KATNIP: variants seen among roughly 807,000 people sequenced by gnomAD.
KATNIP encodes the protein katanin-interacting protein.
Under a neutral mutation model 174.0 loss-of-function variants are expected in KATNIP, and 126 were observed. That is an observed-to-expected ratio of 0.72 (90% CI 0.63 to 0.84). The LOEUF is 0.84. KATNIP is among the 40% of genes least tolerant of loss of function. The pLI, the probability that KATNIP is intolerant of heterozygous loss-of-function variation, is 0.00. For missense variants in KATNIP, 1,958 were observed against 2,109.7 expected (o/e 0.93, Z 1.41); for synonymous variants, 810 against 835.7 (o/e 0.97, Z 0.53).
intron 8 of KATNIP, among the ~76,000 whole-genome samples, chr16:27,688,047 C>T (rs753672752): frequency 6.6e-6 from 1 of 152,194 alleles, no homozygotes; most frequent in Non-Finnish European, 1.5e-5. Flanking sequence ...GATGGTCTCT[C>T]GGGAAGCTGT....
chr16:27,703,854 C>A, intron 11 of KATNIP, 42 bp from the exon 12 acceptor site: 1 of 1,414,526 alleles, frequency 7.1e-7, no homozygotes, highest in Non-Finnish European at 1.0e-6. Flanking sequence ...TTTTGTGTAT[C>A]ATTTACTACT....
At chr16:27,593,299 C>T (rs779651836) in intron 2 of KATNIP, among the ~76,000 whole-genome samples, 24 of 140,754 alleles carry the variant, frequency 1.7e-4, no homozygotes, top group African/African-American at 3.2e-4. Context: ...AGCGCAATGG[C>T]GCAATCTCAG....
intron 23 of KATNIP, among the ~76,000 whole-genome samples, chr16:27,774,511 G>A (rs1339521365): frequency 6.6e-6 from 1 of 152,096 alleles, no homozygotes; most frequent in Non-Finnish European, 1.5e-5. Context: ...CAGCTGCTCC[G>A]AGGTCCTTCC....
chr16:27,728,577 C>T (rs1445008630), intron 14 of KATNIP, among the ~76,000 whole-genome samples: 3 of 152,146 alleles, frequency 2.0e-5, no homozygotes, highest in East Asian at 1.9e-4. Context: ...ACTACAGGCA[C>T]GCACCACCAT....
chr16:27,586,163 T>A (rs967052934), intron 2 of KATNIP, among the ~76,000 whole-genome samples: 3 of 152,146 alleles, frequency 2.0e-5, no homozygotes, highest in African/African-American at 7.2e-5. Context: ...AAAGGATAAA[T>A]GCTTGAGGGG....
chr16:27,759,192 G>A (rs1231022584), intron 18 of KATNIP, among the ~76,000 whole-genome samples: 1 of 152,190 alleles, frequency 6.6e-6, no homozygotes, highest in Non-Finnish European at 1.5e-5. Context: ...CAGAGTCCTG[G>A]CCTCAGGGAA....
At chr16:27,770,426 G>A (rs1439272506) in intron 21 of KATNIP, among the ~76,000 whole-genome samples, 3 of 152,172 alleles carry the variant, frequency 2.0e-5, no homozygotes, top group East Asian at 1.9e-4. Flanking sequence ...GGGATTTCTC[G>A]GCCCCAGTCT....
At chr16:27,620,601 G>A (rs78168083) in intron 3 of KATNIP, among the ~76,000 whole-genome samples, 3,325 of 152,250 alleles carry the variant, frequency 0.022, 138 homozygotes, top group African/African-American at 0.076. Context: ...AGTGAGGAGG[G>A]GTTTTGTGGG....
chr16:27,615,184 A>G (rs1397544838), intron 2 of KATNIP, among the ~76,000 whole-genome samples: 1 of 152,034 alleles, frequency 6.6e-6, no homozygotes, highest in Non-Finnish European at 1.5e-5. Context: ...GCTGCAGTGC[A>G]GTGGTGCAAT....
chr16:27,609,221 C>T (rs1403779454), intron 2 of KATNIP, among the ~76,000 whole-genome samples: 1 of 151,950 alleles, frequency 6.6e-6, no homozygotes, highest in Non-Finnish European at 1.5e-5. Flanking sequence ...TGCAAGGACA[C>T]CCCAATAAAT....
intron 2 of KATNIP, among the ~76,000 whole-genome samples, chr16:27,588,152 A>G (rs971005927): frequency 4.6e-5 from 7 of 152,070 alleles, no homozygotes; most frequent in Admixed American, 1.3e-4. Flanking sequence ...TCTGCCTCCC[A>G]AAGTGCTGGG....
chr16:27,597,838 T>C (rs2075388395), intron 2 of KATNIP, among the ~76,000 whole-genome samples: 1 of 152,024 alleles, frequency 6.6e-6, no homozygotes, highest in Non-Finnish European at 1.5e-5. Context: ...AGATCTGGGT[T>C]TTAGAGCAAA....
At chr16:27,657,786 T>G (rs983037670) in intron 6 of KATNIP, among the ~76,000 whole-genome samples, 10 of 152,178 alleles carry the variant, frequency 6.6e-5, no homozygotes, top group Admixed American at 6.6e-4. Context: ...GGTGTGCACC[T>G]GTAATCCCAG....
At chr16:27,759,855 C>T (rs758162816) in intron 18 of KATNIP, among the ~76,000 whole-genome samples, 5 of 152,140 alleles carry the variant, frequency 3.3e-5, no homozygotes, top group Non-Finnish European at 5.9e-5. Context: ...AGCAGGGACA[C>T]GGGATGGGAC....
In KATNIP at chr16:27,751,932, T is replaced by G. The variant is rs1275849807; in HGVS notation, c.3552+8T>G. 1.3e-6 allele frequency: 2 copies of G among 1,598,968 alleles called. No individual in the cohort carries two copies. Among genetic ancestry groups the G allele is most frequent in the Non-Finnish European group, 1.7e-6 (2 of 1,174,260 alleles). ...TTGGGGGCTGATGAACGGGTAGGAC[T>G]GGAGCTGGGGGGCTGTGGGGGGACC... is the stretch of plus-strand genomic sequence containing the variant. On this transcript the variant is annotated splice_region_variant and intron_variant, in intron 17 of 27. Transcript: ENST00000261588.
At chr16:27,750,364 T>A in intron 16 of KATNIP, 58 bp downstream of exon 16, 1 of 1,535,288 alleles carries the variant, frequency 6.5e-7, no homozygotes, top group Admixed American at 2.0e-5. Context: ...GCTGAGAGTC[T>A]ATGGGAAAAA....
intron 2 of KATNIP, among the ~76,000 whole-genome samples, chr16:27,601,914 A>G (rs978279214): frequency 1.3e-5 from 2 of 152,124 alleles, no homozygotes; most frequent in Non-Finnish European, 2.9e-5. Context: ...GGTCCATTTC[A>G]TTAGAAGGAA....
Position 27,628,783 on chromosome 16 carries a change from T to A in KATNIP, c.263T>A (p.Ile88Asn). ...SELKSSPRKA[I>N]HSDFSRSASH... Reference sequence around the variant, plus strand: ...CTGAAATCATCACCGCGGAAAGCTATTCACTCTGACTTCTCCAGAAGTGCC... The same window carrying A: ...CTGAAATCATCACCGCGGAAAGCTAATCACTCTGACTTCTCCAGAAGTGCC... Residue 88 changes from isoleucine (I) to asparagine (N), a missense_variant, in exon 4 of 28, where the codon ATT (isoleucine) becomes AAT (asparagine). Physicochemically the swap from Ile to Asn is moderately radical, Grantham distance 149 (BLOSUM62 -3). Around this residue, in one of 3 missense-constraint regions of KATNIP, gnomAD observed 1,557 missense variants for 1,617.8 expected, o/e 0.96. Transcript: ENST00000261588. 1 of 1,614,150 alleles carries A rather than the reference T, an allele frequency of 6.2e-7. No individual in the cohort carries two copies. The highest frequency in any genetic ancestry group is 1.3e-5 in the African/African-American group (1 of 75,046).
intron 2 of KATNIP, among the ~76,000 whole-genome samples, chr16:27,576,441 C>T (rs535619058): frequency 2.0e-5 from 3 of 151,894 alleles, no homozygotes; most frequent in Admixed American, 2.0e-4. Flanking sequence ...AAAAACAAAA[C>T]AAAAAACCAA....
Sources: gnomAD v4.1 joint callset for allele counts (sites outside exome capture counted in the v4.1 genomes callset) on GRCh38, gnomAD v4.1.1 for gene constraint, gnomAD v4.1.1 regional missense constraint, MANE v1.5 for transcripts, NCBI Gene and HGNC (gene_info 2026-07-23, HGNC 2026-07-21) for gene names.